The following STK3 variants were observed in gnomAD, a reference collection of about 807,000 sequenced individuals.
STK3 encodes the protein serine/threonine-protein kinase 3.
In STK3, 41 loss-of-function variants were observed where a neutral mutation model predicts 58.0. That is an observed-to-expected ratio of 0.71 (90% CI 0.55 to 0.92). The LOEUF (loss-of-function observed/expected upper bound fraction) is 0.92. STK3 is among the 40% of genes least tolerant of loss of function. The pLI, the probability that STK3 is intolerant of heterozygous loss-of-function variation, is 0.00. For synonymous variants in STK3, 170 were observed against 191.0 expected, an observed-to-expected ratio of 0.89 and a Z score of 0.91; for missense variants, 479 against 602.7, an observed-to-expected ratio of 0.79 and a Z score of 2.15.
At position 98,524,443 on chromosome 8, in the gene STK3, C is replaced by T. The variant is rs191148490; in HGVS notation, c.1317+2299G>A. Among the ~76,000 whole-genome samples, 384 of 152,260 alleles carry T rather than the reference C, an allele frequency of 2.5e-3. 1 individual carries two copies. Among genetic ancestry groups the T allele is most frequent in the Non-Finnish European group, 3.8e-3 (259 of 68,020 alleles). On this transcript the variant is annotated intron_variant, in intron 10 of 10. Transcript: ENST00000419617. ...CAATGACTCTGTAGATTGCTTTAGG[C>T]AATATTAACATCCTAACAATATTAA...
At chr8:98,760,864 T>C (rs1466558909) in intron 3 of STK3, among the ~76,000 whole-genome samples, 3 of 151,780 alleles carry the variant, frequency 2.0e-5, no homozygotes, top group Non-Finnish European at 4.4e-5. Context: ...AGAAAGAGTA[T>C]TAAAAAAAAA....
chr8:98,512,128 C>A (rs555861108), intron 10 of STK3, among the ~76,000 whole-genome samples: 4 of 151,956 alleles, frequency 2.6e-5, no homozygotes, highest in African/African-American at 4.8e-5. Flanking sequence ...CTCCTCCCCC[C>A]ACCACACAAC....
chr8:98,766,011 C>A (rs1320561686), intron 3 of STK3, among the ~76,000 whole-genome samples: 1 of 152,172 alleles, frequency 6.6e-6, no homozygotes, highest in Non-Finnish European at 1.5e-5. Context: ...GATGAGCACA[C>A]CCCAATGAGT....
intron 10 of STK3, among the ~76,000 whole-genome samples, chr8:98,518,906 G>C (rs1825150104): frequency 6.6e-6 from 1 of 152,080 alleles, no homozygotes; most frequent in Non-Finnish European, 1.5e-5. Context: ...ATGTACACCT[G>C]TAATCATAAA....
At chr8:98,478,135 T>G (rs545837621) in intron 10 of STK3, among the ~76,000 whole-genome samples, 1 of 152,132 alleles carries the variant, frequency 6.6e-6, no homozygotes, top group East Asian at 1.9e-4. Flanking sequence ...GTAGCGGAAA[T>G]TTGAGAGTGA....
chr8:98,840,626 T>C lies in STK3; in HGVS notation c.110+43021A>G, dbSNP rs867882606. On this transcript the variant is annotated intron_variant, in intron 3 of 12. Transcript: ENST00000523601. ...ATATATATATATATATATATATATA[T>C]ATACACACACATACGTTTTATATAT... Among the ~76,000 whole-genome samples, 144 of 133,384 alleles carry C rather than the reference T, an allele frequency of 1.1e-3. 1 individual carries two copies. Among genetic ancestry groups the C allele is most frequent in the African/African-American group, 2.9e-3 (100 of 34,612 alleles). The allele number at this position is 133,384 out of a possible 152,430, so 87.5% of individuals were successfully genotyped here.
chr8:98,744,795 C>G (rs982955526), intron 4 of STK3, among the ~76,000 whole-genome samples: 1 of 151,670 alleles, frequency 6.6e-6, no homozygotes, highest in Non-Finnish European at 1.5e-5. Flanking sequence ...CTAGAACAGA[C>G]AGACCAAATA....
downstream of STK3, among the ~76,000 whole-genome samples, chr8:98,370,732 G>A (rs928693322): frequency 6.6e-6 from 1 of 152,168 alleles, no homozygotes; most frequent in African/African-American, 2.4e-5. Flanking sequence ...AAGGTTCAGA[G>A]CCAGATAAAA....
At chr8:98,812,181 T>C (rs1834272762) in intron 1 of STK3, among the ~76,000 whole-genome samples, 1 of 152,220 alleles carries the variant, frequency 6.6e-6, no homozygotes, top group Admixed American at 6.5e-5. Context: ...AGCAAATGTT[T>C]AGCTCTGAAG....
intron 3 of STK3, among the ~76,000 whole-genome samples, chr8:98,831,526 G>T (rs1460042629): frequency 6.6e-6 from 1 of 152,102 alleles, no homozygotes; most frequent in Non-Finnish European, 1.5e-5. Flanking sequence ...CATAGTGCTG[G>T]GATTATAGGT....
chr8:98,493,945 T>C (rs974141160), intron 10 of STK3, among the ~76,000 whole-genome samples: 4 of 152,238 alleles, frequency 2.6e-5, no homozygotes, highest in Admixed American at 6.5e-5. Flanking sequence ...CACTAAGGAC[T>C]AGAGATTCTC....
At chr8:98,429,130 C>A in intron 3 of STK3, 1 of 1,613,358 alleles carries the variant, frequency 6.2e-7, no homozygotes, top group Non-Finnish European at 8.5e-7. Context: ...GTCCCAGGGA[C>A]CACGGCAGGA....
At chr8:98,426,855 G>A (rs922306321) in intron 3 of STK3, among the ~76,000 whole-genome samples, 1 of 152,074 alleles carries the variant, frequency 6.6e-6, no homozygotes, top group Non-Finnish European at 1.5e-5. Flanking sequence ...GCGCAAGGTG[G>A]TCGCGGTGAC....
At chr8:98,750,106 A>G (rs1198323900) in intron 3 of STK3, among the ~76,000 whole-genome samples, 1 of 152,208 alleles carries the variant, frequency 6.6e-6, no homozygotes, top group Non-Finnish European at 1.5e-5. Flanking sequence ...GAGATAGAAA[A>G]TACAAGACAG....
chr8:98,621,134 T>C (rs1270477304), intron 6 of STK3, among the ~76,000 whole-genome samples: 1 of 152,120 alleles, frequency 6.6e-6, no homozygotes, highest in African/African-American at 2.4e-5. Context: ...AGTATTTTTG[T>C]ATTCACCGTT....
intron 3 of STK3, among the ~76,000 whole-genome samples, chr8:98,856,253 G>T (rs955443382): frequency 6.7e-6 from 1 of 149,948 alleles, no homozygotes; most frequent in Non-Finnish European, 1.5e-5. Flanking sequence ...GGAGGTGGAG[G>T]TTGCTGTGAG....
intron 4 of STK3, among the ~76,000 whole-genome samples, chr8:98,737,104 G>C (rs1828660499): frequency 6.6e-6 from 1 of 152,110 alleles, no homozygotes; most frequent in Non-Finnish European, 1.5e-5. Context: ...ACAATTTAAA[G>C]ATAAGCACAA....
At chr8:98,743,917 G>A (rs1367829897) in intron 4 of STK3, among the ~76,000 whole-genome samples, 2 of 152,134 alleles carry the variant, frequency 1.3e-5, no homozygotes, top group Non-Finnish European at 2.9e-5. Flanking sequence ...AAAAGTGGGC[G>A]AAGGACATGA....
chr8:98,579,570 T>C (rs763827497), intron 8 of STK3, 94 bp downstream of exon 8: 5 of 1,416,042 alleles, frequency 3.5e-6, no homozygotes, highest in East Asian at 2.4e-5. Context: ...CTTACTTGTA[T>C]AGTAAAACAG....
Sources: allele counts gnomAD v4.1 joint callset (sites outside exome capture counted in the v4.1 genomes callset), GRCh38; gene constraint gnomAD v4.1.1; transcripts MANE v1.5; gene names NCBI Gene and HGNC (gene_info 2026-07-23, HGNC 2026-07-21).